Variants in TPD52 observed in about 807,000 individuals in gnomAD.
The protein encoded by TPD52 is prostate and colon associated protein.
In TPD52, 17 loss-of-function variants were observed where a neutral mutation model predicts 31.3. The ratio of observed to expected loss-of-function variants is 0.54; its 90% CI spans 0.37 to 0.82. The LOEUF (loss-of-function observed/expected upper bound fraction) is 0.82. Among genes scored for constraint, TPD52 ranks in the 40% least tolerant of loss-of-function variants. The pLI, the probability that TPD52 is intolerant of heterozygous loss-of-function variation, is 0.00. For synonymous variants in TPD52, 83 were observed against 89.6 expected (o/e 0.93, Z 0.42); for missense variants, 212 against 240.1 (o/e 0.88, Z 0.77).
intron 1 of TPD52, among the ~76,000 whole-genome samples, chr8:80,154,748 C>A (rs199994081): frequency 0.17 from 10,397 of 62,070 alleles, 536 homozygotes; most frequent in East Asian, 0.28. Flanking sequence ...CACACACACA[C>A]ACACAAAACA....
At chr8:80,115,478 G>A (rs1323499464) in intron 1 of TPD52, among the ~76,000 whole-genome samples, 2 of 152,128 alleles carry the variant, frequency 1.3e-5, no homozygotes, top group South Asian at 2.1e-4. Flanking sequence ...TCATACAAGC[G>A]GCGGAAAAGG....
chr8:80,091,464 C>CAAAAAAAA (rs58616020), intron 1 of TPD52, among the ~76,000 whole-genome samples: 1 of 121,876 alleles, frequency 8.2e-6, no homozygotes, highest in Non-Finnish European at 1.8e-5. Flanking sequence ...GACTCCATCT[C>CAAAAAAAA]AAAAAAAAAA....
At chr8:80,065,472 A>G (rs747662276) in intron 1 of TPD52, among the ~76,000 whole-genome samples, 1 of 152,036 alleles carries the variant, frequency 6.6e-6, no homozygotes, top group Non-Finnish European at 1.5e-5. Context: ...GAGAGTGACC[A>G]GGAGGCAGCT....
chr8:80,123,824 A>G (rs1378215908), intron 1 of TPD52, among the ~76,000 whole-genome samples: 3 of 152,206 alleles, frequency 2.0e-5, no homozygotes, highest in Non-Finnish European at 4.4e-5. Context: ...TACTGGTCAA[A>G]GAGGTATGAA....
At chr8:80,065,303 C>CTA (rs5892703) in intron 1 of TPD52, among the ~76,000 whole-genome samples, 77,444 of 146,980 alleles carry the variant, frequency 0.53, 20,878 homozygotes, top group East Asian at 0.67. Context: ...ATCTATCTAT[C>CTA]TATATATATA....
chr8:80,075,160 A>G lies in TPD52; in HGVS notation c.20-10567T>C, dbSNP rs1029228330. 2.0e-5 allele frequency among the ~76,000 whole-genome samples: 3 copies of G among 151,990 alleles called. No homozygotes were observed. In the East Asian group the frequency reaches 5.8e-4, roughly 29 times the overall value. ...ATACCTGGCTAATTTTTCGTATTTT[A>G]GTAGAGACAGGGTTCACCATGTTGG... On this transcript the variant is annotated intron_variant, in intron 1 of 7. Coordinates refer to ENST00000518937, the MANE Select transcript of TPD52 (RefSeq NM_001025253.3).
chr8:80,052,328 AC>A (rs779246914), intron 3 of TPD52, among the ~76,000 whole-genome samples: 19 of 152,252 alleles, frequency 1.2e-4, no homozygotes, highest in Non-Finnish European at 2.4e-4. Flanking sequence ...GACAACAACA[AC>A]AACAAAAAAC....
In TPD52 at chr8:80,034,981, T is replaced by G. The variant is rs563325098; in HGVS notation, c.*3135A>C. 2.0e-5 allele frequency: 3 copies of G among 152,310 alleles called. No homozygotes were observed. Among genetic ancestry groups the G allele is most frequent in the East Asian group, 1.9e-4 (1 of 5,194 alleles). 9.4% of individuals were successfully genotyped at this position (152,310 alleles called of 1,614,324 possible). ...AAAAGTGAAAAGCTCTTAGTTCATT[T>G]TGAGTCAGAACAATAAGGAAATTAT... On this transcript the variant is annotated 3_prime_UTR_variant, in exon 8 of 8. Transcript: ENST00000518937.
At position 80,084,563 on chromosome 8, in the gene TPD52, G is replaced by GCA. The variant is rs1332543876; in HGVS notation, c.20-19972_20-19971dup. Among the ~76,000 whole-genome samples, 4 of 152,326 alleles carry GCA rather than the reference G, an allele frequency of 2.6e-5. No homozygotes were observed. The East Asian group carries it at 7.7e-4, about 29-fold the overall frequency. On this transcript the variant is annotated intron_variant, in intron 1 of 7. Coordinates refer to ENST00000518937, the MANE Select transcript of TPD52 (RefSeq NM_001025253.3). ...CAGACAGGTAAGGGATGGCGCAGCA[G>GCA]CATCTAAGCCCCTGCCTCCAGCTAC... is the stretch of plus-strand genomic sequence containing the variant.
chr8:80,162,802 C>G (rs1021027779), intron 1 of TPD52, among the ~76,000 whole-genome samples: 3 of 151,152 alleles, frequency 2.0e-5, no homozygotes, highest in African/African-American at 7.3e-5. Context: ...ATGGCTCAAC[C>G]TGTAAGTCCA....
rs1815803655 is a variant in TPD52 at position 80,086,661 on chromosome 8, A to C, written c.20-22068T>G. ...GACCAAGGCAGGCAGATCACCTGAC[A>C]TCAAGAGTTCGAGACCAGCCTGGCC... On this transcript the variant is annotated intron_variant, in intron 1 of 7. Transcript: ENST00000518937. Among the ~76,000 whole-genome samples, 3 of 151,912 alleles carry C rather than the reference A, an allele frequency of 2.0e-5. No homozygotes were observed. In the South Asian group the frequency reaches 6.2e-4, roughly 32 times the overall value.
At chr8:80,079,913 G>C (rs1293660279) in intron 1 of TPD52, among the ~76,000 whole-genome samples, 1 of 152,060 alleles carries the variant, frequency 6.6e-6, no homozygotes, top group African/African-American at 2.4e-5. Context: ...GCAAGACCTT[G>C]AACTGAGTCA....
chr8:80,103,239 A>G (rs895767501), intron 1 of TPD52, among the ~76,000 whole-genome samples: 1 of 152,244 alleles, frequency 6.6e-6, no homozygotes, highest in East Asian at 1.9e-4. Context: ...TAGCTCTGTC[A>G]CTTTAAATTC....
chr8:80,062,636 T>C (rs988006588), intron 2 of TPD52, among the ~76,000 whole-genome samples: 1 of 152,184 alleles, frequency 6.6e-6, no homozygotes, highest in African/African-American at 2.4e-5. Flanking sequence ...ATGGTGTTAA[T>C]ACTGTGAAAA....
At chr8:80,083,841 T>C (rs1451107738) in intron 1 of TPD52, among the ~76,000 whole-genome samples, 1 of 152,178 alleles carries the variant, frequency 6.6e-6, no homozygotes, top group Non-Finnish European at 1.5e-5. Flanking sequence ...TAATTCCACT[T>C]GGCTCTTCCA....
At chr8:80,111,988 A>G (rs1427910436) in intron 1 of TPD52, among the ~76,000 whole-genome samples, 2 of 152,262 alleles carry the variant, frequency 1.3e-5, no homozygotes, top group African/African-American at 4.8e-5. Context: ...TGTGAAATCA[A>G]AACATTAATT....
intron 1 of TPD52, among the ~76,000 whole-genome samples, chr8:80,081,585 A>G (rs1815297042): frequency 6.6e-6 from 1 of 152,080 alleles, no homozygotes; most frequent in South Asian, 2.1e-4. Context: ...CTAAAAAAAA[A>G]GAGCTCAGAT....
rs1438815026 is a variant in TPD52 at position 80,094,443 on chromosome 8, T to A, written c.20-29850A>T. On this transcript the variant is annotated intron_variant, in intron 1 of 7. Transcript: ENST00000518937. ...CAAAAGAAAATTTTATATATATATA[T>A]ATATATATATATATATATATATATA... Among the ~76,000 whole-genome samples, 3 of 40,348 alleles carry A rather than the reference T, an allele frequency of 7.4e-5. 1 individual carries two copies. Among genetic ancestry groups the A allele is most frequent in the East Asian group, 6.1e-4 (1 of 1,636 alleles). 26.5% of individuals were successfully genotyped at this position (40,348 alleles called of 152,430 possible).
intron 1 of TPD52, among the ~76,000 whole-genome samples, chr8:80,120,502 A>G (rs1394636507): frequency 6.6e-6 from 1 of 152,146 alleles, no homozygotes; most frequent in Non-Finnish European, 1.5e-5. Flanking sequence ...AAGAAAAAAA[A>G]AGAAAAGAAT....
Sources: gnomAD v4.1 joint callset for allele counts (sites outside exome capture counted in the v4.1 genomes callset) on GRCh38, gnomAD v4.1.1 for gene constraint, MANE v1.5 for transcripts, NCBI Gene and HGNC (gene_info 2026-07-23, HGNC 2026-07-21) for gene names.